Variants in GRM8 observed in about 807,000 individuals in gnomAD.
The protein encoded by GRM8 is glutamate metabotropic receptor 8, also known as metabotropic glutamate receptor 8.
GRM8 carries 47 observed loss-of-function variants against 87.2 expected under a neutral mutation model. The ratio of observed to expected loss-of-function variants is 0.54; its 90% CI spans 0.43 to 0.69. GRM8 has a LOEUF of 0.69. Ranked by LOEUF, GRM8 falls within the 30% of genes least tolerant of loss-of-function variation. GRM8 has a pLI of 0.00. For synonymous variants in GRM8, 396 were observed against 404.5 expected (o/e 0.98, Z 0.25); for missense variants, 1,019 against 1,139.2 (o/e 0.89, Z 1.52).
intron 6 of GRM8, among the ~76,000 whole-genome samples, chr7:126,842,111 G>T (rs1300548275): frequency 6.6e-6 from 1 of 152,082 alleles, no homozygotes; most frequent in Non-Finnish European, 1.5e-5. Context: ...TTTAAATATG[G>T]TTTCTCTGCC....
At chr7:126,826,975 C>T (rs1794865481) in intron 6 of GRM8, among the ~76,000 whole-genome samples, 1 of 152,176 alleles carries the variant, frequency 6.6e-6, no homozygotes, top group Non-Finnish European at 1.5e-5. Flanking sequence ...ATAGGGAATC[C>T]TTTCCCCCAT....
intron 2 of GRM8, among the ~76,000 whole-genome samples, chr7:127,182,669 GT>G: frequency 9.5e-6 from 1 of 105,354 alleles, no homozygotes; most frequent in African/African-American, 4.0e-5. Context: ...GTGTGTGTGT[GT>G]GTGTGTGTGT....
intron 8 of GRM8, among the ~76,000 whole-genome samples, chr7:126,536,830 C>CACAAA (rs1254274844): frequency 1.4e-4 from 22 of 151,934 alleles, no homozygotes; most frequent in African/African-American, 3.4e-4. Context: ...GCTCAAAAAA[C>CACAAA]ACAAAACAAA....
At chr7:126,758,004 C>T (rs1817201863) in intron 7 of GRM8, among the ~76,000 whole-genome samples, 1 of 152,004 alleles carries the variant, frequency 6.6e-6, no homozygotes, top group African/African-American at 2.4e-5. Context: ...AAGTCTAAAC[C>T]TTTTGGGAAT....
intron 2 of GRM8, among the ~76,000 whole-genome samples, chr7:127,109,268 G>T (rs1010258384): frequency 1.3e-5 from 2 of 152,044 alleles, no homozygotes; most frequent in Non-Finnish European, 2.9e-5. Flanking sequence ...AAGAAGAAAA[G>T]CATCCCAAGA....
chr7:126,481,120 G>A (rs931503526), intron 9 of GRM8, among the ~76,000 whole-genome samples: 1 of 152,044 alleles, frequency 6.6e-6, no homozygotes, highest in African/African-American at 2.4e-5. Context: ...AAATACTTAT[G>A]TGTCCAAACT....
At chr7:127,096,194 C>A (rs1024964063) in intron 3 of GRM8, among the ~76,000 whole-genome samples, 1 of 152,118 alleles carries the variant, frequency 6.6e-6, no homozygotes, top group South Asian at 2.1e-4. Flanking sequence ...GCTCATTGAG[C>A]AAATTGGATA....
rs149390803 is a variant in GRM8 at position 127,108,594 on chromosome 7, TATA to T, written c.511-1885_511-1883del. On this transcript the variant is annotated intron_variant, in intron 2 of 10. Coordinates refer to ENST00000339582, the MANE Select transcript of GRM8 (RefSeq NM_000845.3). ...TGACTTACACAACTCCCACCCTGCC[TATA>T]ATAATGAGCCACCCTTTCTAAAAAT... Among the ~76,000 whole-genome samples, 81 of 152,260 alleles carry T rather than the reference TATA, an allele frequency of 5.3e-4. 1 individual carries two copies. The East Asian group carries it at 0.016, about 29-fold the overall frequency.
Position 126,773,791 on chromosome 7 carries a change from T to C in GRM8, c.1157-3726A>G, listed in dbSNP as rs568401685. ...TGGGAGGATTGCTTGATGTCAGGAG[T>C]TCAAGACCAGCCTGGGCAGCAGAGT... is the stretch of plus-strand genomic sequence containing the variant. On this transcript the variant is annotated intron_variant, in intron 6 of 10. Coordinates refer to ENST00000339582, the MANE Select transcript of GRM8 (RefSeq NM_000845.3). Among the ~76,000 whole-genome samples the C allele has an allele frequency of 6.1e-4, 92 of 151,820 alleles. 2 individuals are homozygous for C. The South Asian group carries it at 0.018, about 30-fold the overall frequency.
intron 6 of GRM8, among the ~76,000 whole-genome samples, chr7:126,852,222 T>C (rs930519866): frequency 3.4e-4 from 52 of 152,166 alleles, no homozygotes; most frequent in African/African-American, 1.2e-3. Flanking sequence ...CCATTCTATG[T>C]GCCTGTTTCT....
At chr7:126,567,769 A>G (rs1346804020) in intron 8 of GRM8, among the ~76,000 whole-genome samples, 1 of 152,148 alleles carries the variant, frequency 6.6e-6, no homozygotes, top group East Asian at 1.9e-4. Flanking sequence ...CCCAGCTATA[A>G]AGAGACAAAA....
intron 9 of GRM8, among the ~76,000 whole-genome samples, chr7:126,455,247 A>G (rs1275473504): frequency 6.6e-6 from 1 of 151,722 alleles, no homozygotes. Context: ...GTCACTTTTG[A>G]AAAGTCATAC....
At chr7:127,225,327 G>A (rs1797252621) in intron 2 of GRM8, among the ~76,000 whole-genome samples, 1 of 152,214 alleles carries the variant, frequency 6.6e-6, no homozygotes, top group Admixed American at 6.5e-5. Flanking sequence ...AAAGCCCGCA[G>A]GCTGACCTGC....
intron 3 of GRM8, among the ~76,000 whole-genome samples, chr7:126,928,881 A>T (rs1048975941): frequency 6.6e-6 from 1 of 152,160 alleles, no homozygotes; most frequent in Non-Finnish European, 1.5e-5. Flanking sequence ...GGAAAAAAAA[A>T]TACGTATTCA....
chr7:126,902,386 G>A (rs958636321), intron 6 of GRM8, among the ~76,000 whole-genome samples, 156 bp downstream of exon 6: 1 of 152,152 alleles, frequency 6.6e-6, no homozygotes, highest in African/African-American at 2.4e-5. Flanking sequence ...TTTGTTGAAT[G>A]ATCAGGGTAT....
In GRM8 at chr7:126,636,694, G is replaced by A. The variant is rs542711644; in HGVS notation, c.1358-27196C>T. Among the ~76,000 whole-genome samples, 4 of 151,836 alleles carry A rather than the reference G, an allele frequency of 2.6e-5. No individual in the cohort carries two copies. The East Asian group carries it at 7.7e-4, about 29-fold the overall frequency. ...TTTTTCTGTCATCTGAAAGCTTGTA[G>A]GAATTCATCTAAGTCTGTAGGTTAT... On this transcript the variant is annotated intron_variant, in intron 7 of 10. Coordinates refer to ENST00000339582, the MANE Select transcript of GRM8 (RefSeq NM_000845.3).
chr7:126,576,887 A>G (rs1795162302), intron 8 of GRM8, among the ~76,000 whole-genome samples: 1 of 152,170 alleles, frequency 6.6e-6, no homozygotes, highest in African/African-American at 2.4e-5. Context: ...ACTCTGTTGT[A>G]TCCTTTCTAG....
At chr7:126,544,618 C>G (rs1816929029) in intron 8 of GRM8, among the ~76,000 whole-genome samples, 1 of 152,126 alleles carries the variant, frequency 6.6e-6, no homozygotes, top group Admixed American at 6.5e-5. Flanking sequence ...TCAGACGATT[C>G]TCCTGCCTCA....
chr7:126,454,382 G>A (rs540053589), intron 9 of GRM8, among the ~76,000 whole-genome samples: 1 of 151,804 alleles, frequency 6.6e-6, no homozygotes, highest in East Asian at 2.0e-4. Flanking sequence ...CTGTAGTTTT[G>A]CGAAAGGCAC....
Sources: allele counts gnomAD v4.1 joint callset (sites outside exome capture counted in the v4.1 genomes callset), GRCh38; gene constraint gnomAD v4.1.1; transcripts MANE v1.5; gene names NCBI Gene and HGNC (gene_info 2026-07-23, HGNC 2026-07-21).